SLC4A5: variants seen among roughly 807,000 people sequenced by gnomAD.
The protein encoded by SLC4A5 is electrogenic sodium bicarbonate cotransporter 4.
A neutral mutation model predicts 120.4 loss-of-function variants in SLC4A5; 96 were observed. That is an observed-to-expected ratio of 0.80 (90% confidence interval 0.68 to 0.94). SLC4A5 has a LOEUF of 0.94. Ranked by LOEUF, SLC4A5 falls within the 40% of genes least tolerant of loss-of-function variation. The pLI, the probability that SLC4A5 is intolerant of heterozygous loss-of-function variation, is 0.00. For missense variants in SLC4A5, 1,259 were observed against 1,459.5 expected (o/e 0.86, Z 2.24); for synonymous variants, 550 against 571.1 (o/e 0.96, Z 0.53).
At chr2:74,235,378 G>A (rs1402817442) in intron 21 of SLC4A5, among the ~76,000 whole-genome samples, 164 bp from the exon 22 acceptor site, 1 of 152,180 alleles carries the variant, frequency 6.6e-6, no homozygotes, top group Non-Finnish European at 1.5e-5. Flanking sequence ...AACTGTGTGA[G>A]CTTGGGGAAG....
exon 9 of SLC4A5, chr2:74,265,151 C>A: frequency 6.2e-7 from 1 of 1,614,212 alleles, no homozygotes. Flanking sequence ...CAGCACCGTC[C>A]CCGTCTGCAG....
intron 16 of SLC4A5, among the ~76,000 whole-genome samples, chr2:74,251,249 C>A (rs2103988492): frequency 1.3e-5 from 2 of 152,040 alleles, no homozygotes. Context: ...TTGCCAAATT[C>A]CCTGGGCTCG....
At chr2:74,314,922 T>A (rs989182159) in intron 6 of SLC4A5, 23 bp downstream of exon 6, 10 of 1,607,408 alleles carry the variant, frequency 6.2e-6, no homozygotes, top group African/African-American at 4.0e-5. Flanking sequence ...GAGATTTGCA[T>A]CAAGTCCTCA....
intron 22 of SLC4A5, among the ~76,000 whole-genome samples, chr2:74,234,156 CT>C (rs1016001544): frequency 2.2e-4 from 33 of 148,718 alleles, no homozygotes; most frequent in Middle Eastern, 3.4e-3. Flanking sequence ...CGTTGGTGCT[CT>C]TTTTTTTTTC....
At chr2:74,270,588 G>A (rs1671442251) in intron 8 of SLC4A5, among the ~76,000 whole-genome samples, 1 of 152,228 alleles carries the variant, frequency 6.6e-6, no homozygotes, top group African/African-American at 2.4e-5. Flanking sequence ...CAGGAGAATG[G>A]CGTGAACCCG....
chr2:74,247,275 A>T, exon 19 of SLC4A5: 3 of 1,614,074 alleles, frequency 1.9e-6, no homozygotes, highest in Non-Finnish European at 2.5e-6. Context: ...GCCAATCCAG[A>T]GGCGGAACTC....
In SLC4A5 at chr2:74,337,435, A is replaced by C. The variant is rs1324182193; in HGVS notation, c.-221+1420T>G. ...ACCCCAAACCCAAAATGGAAACTGCAAAGGAAACTCAGAACTGACTGGGAT... is the reference window on the plus strand; with the variant it reads ...ACCCCAAACCCAAAATGGAAACTGCCAAGGAAACTCAGAACTGACTGGGAT... On this transcript the variant is annotated intron_variant, in intron 3 of 30. Transcript: ENST00000394019. 2.0e-5 allele frequency among the ~76,000 whole-genome samples: 3 copies of C among 152,342 alleles called. No individual in the cohort carries two copies. In the East Asian group the frequency reaches 5.8e-4, roughly 29 times the overall value.
At chr2:74,249,223 G>T (rs1370705708) in intron 17 of SLC4A5, among the ~76,000 whole-genome samples, 2 of 152,180 alleles carry the variant, frequency 1.3e-5, no homozygotes, top group Non-Finnish European at 2.9e-5. Flanking sequence ...AGGTGTGCTG[G>T]GATAGGTTTA....
At chr2:74,279,485 C>T (rs530228554) in intron 8 of SLC4A5, among the ~76,000 whole-genome samples, 1 of 152,230 alleles carries the variant, frequency 6.6e-6, no homozygotes, top group African/African-American at 2.4e-5. Flanking sequence ...GCCCATCCTG[C>T]AAATACTGAA....
At chr2:74,256,123 C>A (rs1670957772) in intron 12 of SLC4A5, among the ~76,000 whole-genome samples, 191 bp from the exon 13 acceptor site, 1 of 152,312 alleles carries the variant, frequency 6.6e-6, no homozygotes, top group Admixed American at 6.5e-5. Context: ...CCCCAGGCAC[C>A]ATTAAGCCTT....
chr2:74,283,711 C>T (rs1001288534), intron 8 of SLC4A5, among the ~76,000 whole-genome samples: 13 of 152,226 alleles, frequency 8.5e-5, no homozygotes, highest in African/African-American at 3.1e-4. Context: ...TGAGTCTATG[C>T]ACTCTCAACT....
rs751547349 is a variant in SLC4A5, at chr2:74,247,195, G to A, written c.1900C>T (p.Arg634Cys). 3.8e-5 allele frequency: 61 copies of A among 1,614,056 alleles called. No individual in the cohort carries two copies. In the Middle Eastern group the frequency reaches 9.9e-4, roughly 26 times the overall value. Residue 634 changes from arginine (R) to cysteine (C), a missense_variant, in exon 19 of 31, where the codon CGC (arginine) becomes TGC (cysteine). By Grantham distance (180) the Arg-to-Cys change is radical. Coordinates refer to ENST00000394019, the Ensembl canonical transcript of SLC4A5. ...GTGGAGAAGCCCTCCTCGGTGAAGC[G>A]GGTGATATATTTGATGATAAAGCTG...
intron 25 of SLC4A5, 44 bp downstream of exon 25, chr2:74,231,192 C>A: frequency 6.3e-7 from 1 of 1,575,320 alleles, no homozygotes. Context: ...ATCCGCTCTG[C>A]TTTCTCAGGC....
rs149142175 is a variant in SLC4A5, at chr2:74,295,051, T to G, written c.272-9149A>C. On this transcript the variant is annotated intron_variant, in intron 7 of 30. Coordinates refer to ENST00000394019, the Ensembl canonical transcript of SLC4A5. Reference sequence around the variant, plus strand: ...TTAGTTCAACACATTATGAGTCCAGTTGGGTGAAAATGGGCTCTGAGCTAA... The same window carrying G: ...TTAGTTCAACACATTATGAGTCCAGGTGGGTGAAAATGGGCTCTGAGCTAA... Among the ~76,000 whole-genome samples, 972 of 151,586 alleles carry G rather than the reference T, an allele frequency of 6.4e-3. 5 individuals carry two copies. Among genetic ancestry groups the G allele is most frequent in the Non-Finnish European group, 0.01 (694 of 67,844 alleles).
chr2:74,307,130 G>C (rs895513461), intron 6 of SLC4A5: 11 of 552,746 alleles, frequency 2.0e-5, no homozygotes, highest in South Asian at 1.6e-4. Flanking sequence ...TCAGTTTCAT[G>C]AGCATCATCT....
intron 7 of SLC4A5, among the ~76,000 whole-genome samples, chr2:74,294,321 A>G (rs550823649): frequency 2.0e-5 from 3 of 152,182 alleles, no homozygotes; most frequent in South Asian, 2.1e-4. Context: ...AAAAGAGAAC[A>G]ACGACATCCA....
chr2:74,302,423 C>G (rs1672500458), intron 7 of SLC4A5, among the ~76,000 whole-genome samples: 1 of 152,110 alleles, frequency 6.6e-6, no homozygotes, highest in African/African-American at 2.4e-5. Flanking sequence ...TCGAGACCAG[C>G]CTGCCCAACA....
chr2:74,319,462 C>T (rs936022588), intron 5 of SLC4A5: 2 of 152,092 alleles, frequency 1.3e-5, no homozygotes, highest in East Asian at 3.9e-4. Flanking sequence ...GACCCCTGTA[C>T]AAAGATTACA....
chr2:74,307,109 G>C, intron 6 of SLC4A5: 1 of 554,700 alleles, frequency 1.8e-6, no homozygotes, highest in Non-Finnish European at 3.4e-6. Flanking sequence ...CCAAGGACTG[G>C]ACTGTACGTC....
Sources: allele counts gnomAD v4.1 joint callset (sites outside exome capture counted in the v4.1 genomes callset), GRCh38; gene constraint gnomAD v4.1.1; transcripts MANE v1.5; gene names NCBI Gene and HGNC (gene_info 2026-07-23, HGNC 2026-07-21).